The following L1CAM variants were observed in gnomAD, a reference collection of about 807,000 sequenced individuals.
L1CAM encodes neural cell adhesion molecule L1.
L1CAM carries 8 observed loss-of-function variants against 93.0 expected under a neutral mutation model. The ratio of observed to expected loss-of-function variants is 0.09; its 90% CI spans 0.05 to 0.16. L1CAM has a LOEUF of 0.16. L1CAM is among the 10% of genes least tolerant of loss of function. L1CAM has a pLI of 1.00. For synonymous variants in L1CAM, 453 were observed against 453.0 expected, an observed-to-expected ratio of 1.00 and a Z score of 0.00; for missense variants, 777 against 1,073.4, an observed-to-expected ratio of 0.72 and a Z score of 3.86.
intron 25 of L1CAM, 30 bp downstream of exon 25, chrX:153,864,292 G>C (rs1557089967): frequency 8.3e-7 from 1 of 1,202,794 alleles, no homozygotes; most frequent in Non-Finnish European, 1.1e-6. Context: ...TGCTTCCCTG[G>C]CAGGTGATGG....
intron 1 of L1CAM, among the ~76,000 whole-genome samples, chrX:153,884,962 C>T (rs1329903408): frequency 1.8e-5 from 2 of 112,717 alleles, no homozygotes; most frequent in Non-Finnish European, 3.8e-5. Context: ...AGGGTATCTA[C>T]CTGGGGGGTG....
chrX:153,885,888 C>T (rs1557096909), intron 1 of L1CAM, 177 bp downstream of exon 1: 2 of 840,565 alleles, frequency 2.4e-6, no homozygotes, highest in Admixed American at 5.4e-5. Flanking sequence ...CCGCTTACAG[C>T]CCGCGGTGCC....
chrX:153,878,099 T>C (rs782209281), intron 1 of L1CAM, among the ~76,000 whole-genome samples: 1 of 112,269 alleles, frequency 8.9e-6, no homozygotes, highest in East Asian at 2.8e-4. Context: ...AGAAAGGGTG[T>C]TGTTAGGTGA....
rs372925986 is a variant in L1CAM at position 153,864,904 on chromosome X, C to A, written c.2963G>T (p.Arg988Leu). 8.2e-7 allele frequency: 1 copy of A among 1,212,374 alleles called. No individual in the cohort carries two copies. Among genetic ancestry groups the A allele is most frequent in the Non-Finnish European group, 1.1e-6 (1 of 895,598 alleles). ...GGTGGCCTGAAGCTGGAAGCGGTAC[C>A]GCAGGTGGGGGCTGAGATCGGTCAG... ...HNLTDLSPHL[R>L]YRFQLQATTK... Residue 988 changes from arginine to leucine, a missense_variant, in exon 23 of 29, where the codon CGG (arginine) becomes CTG (leucine). Arg to Leu is a moderately radical substitution (Grantham distance 102, BLOSUM62 -2). Transcript: ENST00000370060.
rs914512205 is a variant in L1CAM, at chrX:153,866,815, G to A, written c.2265C>T (p.Arg755=). 1.7e-6 allele frequency: 2 copies of A among 1,211,755 alleles called. No individual in the cohort carries two copies. Among genetic ancestry groups the A allele is most frequent in the Admixed American group, 2.2e-5 (1 of 46,083 alleles). ...APQVQYRVQW[R]PQGTRGPWQE... ...GCCAGGGCCCTCGTGTCCCCTGAGG[G>A]CGCCACTGCACGCGGTACTGAACCT... Residue 755 remains arginine, a synonymous_variant, in exon 19 of 29, where the codon CGC becomes CGT. Transcript: ENST00000370060.
intron 28 of L1CAM, among the ~76,000 whole-genome samples, chrX:153,863,165 G>C (rs1310886276): frequency 8.9e-6 from 1 of 111,889 alleles, no homozygotes; most frequent in Non-Finnish European, 1.9e-5. Context: ...CCCTTGGGGA[G>C]AGGGGAGCAG....
chrX:153,866,546 C>T (rs2064714942), intron 19 of L1CAM, 103 bp downstream of exon 19: 1 of 569,040 alleles, frequency 1.8e-6, no homozygotes, highest in Non-Finnish European at 2.9e-6. Flanking sequence ...AGAATATCCT[C>T]ATCCTTAGGA....
rs111597352 is a variant in L1CAM, at chrX:153,870,396, G to A, written c.798C>T (p.Ala266=). 38 of 1,208,450 alleles carry A rather than the reference G, an allele frequency of 3.1e-5. No individual in the cohort carries two copies. The highest frequency in any genetic ancestry group is 2.3e-4 in the African/African-American group (13 of 57,575). The change falls in exon 8 of 29, where the codon GCC becomes GCT. Residue 266 remains alanine (A), a synonymous_variant. Coordinates refer to ENST00000370060, the MANE Select transcript of L1CAM (RefSeq NM_001278116.2). ...QGQPLVLECI[A]EGFPTPTIKW... ...TGGGTTCCCAGACTCACAAGCCCTC[G>A]GCGATGCACTCCAGGACCAATGGCT... is the stretch of plus-strand genomic sequence containing the variant.
In L1CAM at chrX:153,870,094, A is replaced by C. The variant is rs1557092539; in HGVS notation, c.953T>G (p.Leu318Arg). ...GEYRCLAENSLGSARHAYYVT... is the reference protein window; with the variant it reads ...GEYRCLAENSRGSARHAYYVT... ...ATAGTACGCATGCCGGGCACTGCCC[A>C]GTGAGTTCTCGGCCAGGCAGCGGTA... Residue 318 changes from leucine (L) to arginine (R), a missense_variant, in exon 9 of 29, where the codon CTG (leucine) becomes CGG (arginine). Leu to Arg is a moderately radical substitution (Grantham distance 102). This residue lies in a region of L1CAM where 574 missense variants were observed against 781.0 expected (regional missense o/e 0.73). Transcript: ENST00000370060. 8.3e-7 allele frequency: 1 copy of C among 1,211,908 alleles called. No homozygotes were observed. The highest frequency in any genetic ancestry group is 1.1e-6 in the Non-Finnish European group (1 of 895,521).
chrX:153,867,769 G>A (rs200168078), intron 16 of L1CAM, 31 bp downstream of exon 16: 22 of 1,153,926 alleles, frequency 1.9e-5, no homozygotes, highest in Middle Eastern at 2.5e-4. Flanking sequence ...CAGAAGTGAC[G>A]GTGGGGTGGC....
At chrX:153,876,762 G>A (rs988451645) in intron 1 of L1CAM, among the ~76,000 whole-genome samples, 4 of 112,614 alleles carry the variant, frequency 3.6e-5, no homozygotes, top group Admixed American at 9.3e-5. Context: ...GGGAGGCTGA[G>A]GTGGGTGGAT....
chrX:153,862,564 T>C lies in L1CAM; in HGVS notation c.*99A>G. On this transcript the variant is annotated 3_prime_UTR_variant, in exon 29 of 29. Coordinates refer to ENST00000370060, the MANE Select transcript of L1CAM (RefSeq NM_001278116.2). Reference sequence around the variant, plus strand: ...TAGGAAGGGGATCCGAGGCAGCAAGTTCTCCTCTGCCCCAACTCCAGCCTC... The same window carrying C: ...TAGGAAGGGGATCCGAGGCAGCAAGCTCTCCTCTGCCCCAACTCCAGCCTC... The C allele has an allele frequency of 1.5e-6, 1 of 671,644 alleles. No homozygotes were observed. Among genetic ancestry groups the C allele is most frequent in the Admixed American group, 3.5e-5 (1 of 28,978 alleles). 55.4% of individuals were successfully genotyped at this position (671,644 alleles called of 1,213,427 possible).
At position 153,875,921 on chromosome X, in the gene L1CAM, G is replaced by T; in HGVS notation, c.-85C>A. ...GGGAAGGGGGCTGGTGGGCGGCTTG[G>T]GGCGGGAGTTGGGAGTGGGGGCACT... On this transcript the variant is annotated 5_prime_UTR_variant, in exon 2 of 29. Coordinates refer to ENST00000370060, the MANE Select transcript of L1CAM (RefSeq NM_001278116.2). 1.1e-6 allele frequency: 1 copy of T among 888,502 alleles called. No individual in the cohort carries two copies. The highest frequency in any genetic ancestry group is 1.6e-6 in the Non-Finnish European group (1 of 620,453). The allele number at this position is 888,502 out of a possible 1,213,427, so 73.2% of individuals were successfully genotyped here.
chrX:153,868,612 C>T lies in L1CAM; in HGVS notation c.1495G>A (p.Ala499Thr), dbSNP rs868908099. The T allele has an allele frequency of 1.7e-6, 2 of 1,210,500 alleles. No homozygotes were observed. The highest frequency in any genetic ancestry group is 3.5e-5 in the African/African-American group (2 of 57,352). The change falls in exon 13 of 29, where the codon GCT becomes ACT. Residue 499 changes from alanine to threonine, a missense_variant. Ala to Thr is a moderately conservative substitution (Grantham distance 58, BLOSUM62 0). Around this residue, in one of 5 missense-constraint regions of L1CAM, gnomAD observed 574 missense variants for 781.0 expected, o/e 0.73. Coordinates refer to ENST00000370060, the MANE Select transcript of L1CAM (RefSeq NM_001278116.2). The part of the protein sequence containing the change: ...ANDTGRYFCL[A>T]ANDQNNVTIM... ...GTAACATTGTTTTGGTCATTGGCAGCCAGGCAGAAGTAGCGTCCGGTGTCA... is the reference window on the plus strand; with the variant it reads ...GTAACATTGTTTTGGTCATTGGCAGTCAGGCAGAAGTAGCGTCCGGTGTCA...
In L1CAM at chrX:153,870,105, G is replaced by A. The variant is rs1569544829; in HGVS notation, c.942C>T (p.Ala314=). Residue 314 remains alanine (A), a synonymous_variant, in exon 9 of 29, where the codon GCC becomes GCT. Transcript: ENST00000370060. ...EEDDGEYRCL[A]ENSLGSARHA... Reference sequence around the variant, plus strand: ...GCCGGGCACTGCCCAGTGAGTTCTCGGCCAGGCAGCGGTACTCGCCATCAT... The same window carrying A: ...GCCGGGCACTGCCCAGTGAGTTCTCAGCCAGGCAGCGGTACTCGCCATCAT... 2.5e-6 allele frequency: 3 copies of A among 1,211,821 alleles called. No homozygotes were observed. Among genetic ancestry groups the A allele is most frequent in the Non-Finnish European group, 3.4e-6 (3 of 895,481 alleles).
intron 1 of L1CAM, chrX:153,885,491 GC>G: frequency 1.3e-5 from 11 of 836,509 alleles, no homozygotes; most frequent in Non-Finnish European, 1.6e-5. Context: ...GGAGAACAAA[GC>G]CCCCCCAACC....
chrX:153,864,235 G>A, intron 25 of L1CAM, 87 bp downstream of exon 25: 1 of 1,080,087 alleles, frequency 9.3e-7, no homozygotes, highest in Non-Finnish European at 1.3e-6. Flanking sequence ...AGCCTGGGCA[G>A]TAGTGGCCAT....
At chrX:153,879,415 A>AG (rs1401789477) in intron 1 of L1CAM, among the ~76,000 whole-genome samples, 14 of 4,359 alleles carry the variant, frequency 3.2e-3, no homozygotes, top group African/African-American at 0.013. Flanking sequence ...GAGAAGAGTG[A>AG]GGGGTGGGGG....
chrX:153,880,643 C>G (rs782703504), intron 1 of L1CAM: 2 of 339,919 alleles, frequency 5.9e-6, no homozygotes, highest in Admixed American at 3.1e-5. Context: ...CTTTAAGGCT[C>G]CCGCTGGCCC....
Sources: allele counts gnomAD v4.1 joint callset (sites outside exome capture counted in the v4.1 genomes callset), GRCh38; gene constraint gnomAD v4.1.1; regional missense constraint gnomAD v4.1.1; transcripts MANE v1.5; gene names NCBI Gene and HGNC (gene_info 2026-07-23, HGNC 2026-07-21).